The following NDRG4 variants were observed in gnomAD, a reference collection of about 807,000 sequenced individuals.
The protein encoded by NDRG4 is NDRG family member 4, also known as protein NDRG4.
In NDRG4, 38 loss-of-function variants were observed where a neutral mutation model predicts 55.8. The observed-to-expected ratio is 0.68, with a 90% CI of 0.53 to 0.89. NDRG4 has a LOEUF of 0.89. NDRG4 is among the 40% of genes least tolerant of loss of function. The probability of loss-of-function intolerance (pLI) is 0.00; values close to 1 mark genes in which losing one functional copy is unlikely to be tolerated. For missense variants in NDRG4, 455 were observed against 468.6 expected (o/e 0.97, Z 0.27); for synonymous variants, 190 against 182.7 (o/e 1.04, Z -0.32).
chr16:58,514,102 A>G (rs2039046339), downstream of NDRG4, among the ~76,000 whole-genome samples: 1 of 152,232 alleles, frequency 6.6e-6, no homozygotes, highest in Non-Finnish European at 1.5e-5. Context: ...TCTCCTAAAC[A>G]TACGATCATG....
chr16:58,467,891 T>G (rs2032009539), intron 1 of NDRG4, among the ~76,000 whole-genome samples: 2 of 152,226 alleles, frequency 1.3e-5, no homozygotes, highest in Admixed American at 6.5e-5. Flanking sequence ...ACTCCATCAC[T>G]GTGCTGGGGG....
chr16:58,471,207 T>TC (rs56777050), intron 1 of NDRG4, among the ~76,000 whole-genome samples: 23,233 of 132,074 alleles, frequency 0.18, 2,117 homozygotes, highest in Non-Finnish European at 0.24. Context: ...TTTTTTTTTT[T>TC]TTTTTGGAGA....
At chr16:58,501,136 C>A in intron 1 of NDRG4, 1 of 1,141,606 alleles carries the variant, frequency 8.8e-7, no homozygotes, top group South Asian at 4.4e-5. Context: ...ACCCCCACCC[C>A]CGGGCCCCAC....
intron 1 of NDRG4, chr16:58,501,843 C>G (rs557999552): frequency 5.2e-6 from 2 of 387,852 alleles, no homozygotes; most frequent in South Asian, 3.6e-5. Flanking sequence ...AGACACCCCT[C>G]ACACCCCTCA....
At position 58,464,654 on chromosome 16, in the gene NDRG4, G is replaced by A. The variant is rs1306532357; in HGVS notation, c.-24+857G>A. The A allele has an allele frequency of 5.1e-6, 5 of 983,624 alleles. No homozygotes were observed. Among genetic ancestry groups the A allele is most frequent in the Non-Finnish European group, 6.7e-6 (5 of 747,744 alleles). The allele number at this position is 983,624 out of a possible 1,614,324, so 60.9% of individuals were successfully genotyped here. On this transcript the variant is annotated intron_variant, in intron 1 of 15. Transcript: ENST00000258187. The surrounding 1 kb of genome is among the most constrained non-coding windows in gnomAD (Gnocchi z 4.8). The stretch of plus-strand genomic sequence containing the variant: ...CCGGGAGAGGACTTGAGGTTGTGGC[G>A]AGTCCCTGGCGCTGGCGTCCGGGCT...
intron 2 of NDRG4, among the ~76,000 whole-genome samples, chr16:58,492,545 TGTGTGTGAGAGA>T (rs2035924945): frequency 2.3e-5 from 1 of 42,742 alleles, no homozygotes; most frequent in Non-Finnish European, 5.1e-5. Context: ...TGTGTGTGTG[TGTGTGTGAGAGA>T]CAGACAGACA....
intron 1 of NDRG4, among the ~76,000 whole-genome samples, chr16:58,477,510 A>G (rs2033823862): frequency 6.6e-6 from 1 of 152,336 alleles, no homozygotes; most frequent in Non-Finnish European, 1.5e-5. Flanking sequence ...GAAACAAATA[A>G]TGATAGCAAT....
rs2031171349 is a variant in NDRG4, at chr16:58,464,449, C to T, written c.-24+652C>T. On this transcript the variant is annotated intron_variant, in intron 1 of 15. Coordinates refer to the NDRG4 transcript ENST00000258187. The surrounding 1 kb of genome is among the most constrained non-coding windows in gnomAD (Gnocchi z 4.8). The stretch of plus-strand genomic sequence containing the variant: ...CGCCGAGATGAAGGTGCTGGGACAC[C>T]GGCTGGAGCTGCTCACAGGTACCGC... 1.5e-6 allele frequency: 2 copies of T among 1,349,266 alleles called. No individual in the cohort carries two copies. The highest frequency in any genetic ancestry group is 9.5e-7 in the Non-Finnish European group (1 of 1,051,596). 83.6% of individuals were successfully genotyped at this position (1,349,266 alleles called of 1,614,324 possible).
At chr16:58,466,535 C>G (rs2031720846) in intron 1 of NDRG4, among the ~76,000 whole-genome samples, 1 of 152,206 alleles carries the variant, frequency 6.6e-6, no homozygotes, top group Admixed American at 6.5e-5. Flanking sequence ...ATGGGGTCAC[C>G]AGATTCTGGC....
intron 8 of NDRG4, chr16:58,507,512 A>C: frequency 2.1e-6 from 1 of 480,136 alleles, no homozygotes; most frequent in East Asian, 3.2e-5. Flanking sequence ...ACAATAGAGA[A>C]TAGAGAGACC....
chr16:58,507,784 T>TCTGCCCCTCCCC lies in NDRG4; in HGVS notation c.621-16_621-5dup, dbSNP rs781675778. 2.5e-6 allele frequency: 4 copies of TCTGCCCCTCCCC among 1,612,000 alleles called. No individual in the cohort carries two copies. In the Admixed American group the frequency reaches 5.0e-5, roughly 20 times the overall value. On this transcript the variant is annotated intron_variant, in intron 8 of 14. Transcript: ENST00000570248. The stretch of plus-strand genomic sequence containing the variant: ...CTGTCCTGGGGTGCCCACCTCTGCC[T>TCTGCCCCTCCCC]CTGCCCCTCCCCCTGCCCCACAGCC...
At position 58,512,382 on chromosome 16, in the gene NDRG4, C is replaced by A; in HGVS notation, c.*806C>A. On this transcript the variant is annotated 3_prime_UTR_variant, in exon 15 of 15. Transcript: ENST00000570248. ...AGAGCCCATGTGTGGTGTGTGTGCC[C>A]CTGAGAACTTCGTGGTGACTGCCTT... 3.7e-6 allele frequency: 1 copy of A among 273,780 alleles called. No individual in the cohort carries two copies. The highest frequency in any genetic ancestry group is 7.2e-6 in the Non-Finnish European group (1 of 138,330). The allele number at this position is 273,780 out of a possible 1,614,324, so 17.0% of individuals were successfully genotyped here. A position where few individuals can be genotyped will look rare whatever the true frequency, so the allele number is the denominator to read the frequency against.
upstream of NDRG4, chr16:58,496,863 C>CA (rs2036471896): frequency 6.6e-6 from 1 of 152,130 alleles, no homozygotes; most frequent in African/African-American, 2.4e-5. Context: ...CCTCCCTGTG[C>CA]TTTATTTGCC....
At chr16:58,476,299 T>G (rs1209329600) in intron 1 of NDRG4, among the ~76,000 whole-genome samples, 1 of 152,238 alleles carries the variant, frequency 6.6e-6, no homozygotes, top group Non-Finnish European at 1.5e-5. Context: ...ACTCTTTCAC[T>G]GGTTCCCTAT....
intron 1 of NDRG4, among the ~76,000 whole-genome samples, chr16:58,471,903 G>C (rs1026385651): frequency 6.6e-6 from 1 of 152,052 alleles, no homozygotes; most frequent in African/African-American, 2.4e-5. Flanking sequence ...GTGTGTGTGA[G>C]AGAGAGCAGG....
At chr16:58,481,442 T>C (rs1434606936) in intron 1 of NDRG4, among the ~76,000 whole-genome samples, 1 of 152,016 alleles carries the variant, frequency 6.6e-6, no homozygotes, top group Admixed American at 6.6e-5. Flanking sequence ...AGTGGGAATG[T>C]GCTGGGGGTG....
chr16:58,468,631 G>T (rs1414721641), intron 1 of NDRG4, among the ~76,000 whole-genome samples: 1 of 152,152 alleles, frequency 6.6e-6, no homozygotes, highest in Non-Finnish European at 1.5e-5. Flanking sequence ...TGAGGCAGGA[G>T]AATTGCTTGA....
rs1264705571 is a variant in NDRG4, at chr16:58,464,870, C to T, written c.-24+1073C>T. 5.0e-6 allele frequency: 6 copies of T among 1,197,780 alleles called. No homozygotes were observed. In the African/African-American group the frequency reaches 7.9e-5, roughly 16 times the overall value. The allele number at this position is 1,197,780 out of a possible 1,614,324, so 74.2% of individuals were successfully genotyped here. A position where few individuals can be genotyped will look rare whatever the true frequency, so the allele number is the denominator to read the frequency against. Reference sequence around the variant, plus strand: ...TTCTGCGCCCTGTGACAATCTGAGCCGTCTTTCTCTGGGGGAGAAGTTTCT... The same window carrying T: ...TTCTGCGCCCTGTGACAATCTGAGCTGTCTTTCTCTGGGGGAGAAGTTTCT... On this transcript the variant is annotated intron_variant, in intron 1 of 15. Coordinates refer to the NDRG4 transcript ENST00000258187. This position sits in a 1 kb window ranked among gnomAD's most constrained non-coding sequence, Gnocchi z 4.8.
intron 1 of NDRG4, among the ~76,000 whole-genome samples, chr16:58,479,089 C>T (rs1018793466): frequency 2.6e-5 from 4 of 151,980 alleles, no homozygotes; most frequent in South Asian, 2.1e-4. Context: ...AGTGCAATGG[C>T]GTGATCTCGG....
Sources: allele counts gnomAD v4.1 joint callset (sites outside exome capture counted in the v4.1 genomes callset), GRCh38; gene constraint gnomAD v4.1.1; non-coding constraint Gnocchi (gnomAD v3.1); transcripts MANE v1.5; gene names NCBI Gene and HGNC (gene_info 2026-07-23, HGNC 2026-07-21).